Variants in FER1L5 observed in about 807,000 individuals in gnomAD.
The protein encoded by FER1L5 is fer-1 like family member 5.
In FER1L5, 187 loss-of-function variants were observed where a neutral mutation model predicts 279.9. The ratio of observed to expected loss-of-function variants is 0.67; its 90% confidence interval spans 0.59 to 0.75. The LOEUF (loss-of-function observed/expected upper bound fraction) is 0.75. Among genes scored for constraint, FER1L5 ranks in the 30% least tolerant of loss-of-function variants. The pLI, the probability that FER1L5 is intolerant of heterozygous loss-of-function variation, is 0.00. For missense variants in FER1L5, 2,091 were observed against 2,594.4 expected, an observed-to-expected ratio of 0.81 and a Z score of 4.21; for synonymous variants, 921 against 989.7, an observed-to-expected ratio of 0.93 and a Z score of 1.30.
At chr2:96,656,689 G>T (rs1182404654) in intron 9 of FER1L5, among the ~76,000 whole-genome samples, 2 of 151,606 alleles carry the variant, frequency 1.3e-5, no homozygotes, top group Non-Finnish European at 2.9e-5. Flanking sequence ...ATTGCAAGTG[G>T]TTAATATGCA....
At position 96,685,437 on chromosome 2, in the gene FER1L5, T is replaced by G. The variant is rs2076883798; in HGVS notation, c.1895+8T>G. On this transcript the variant is annotated splice_region_variant and intron_variant, in intron 21 of 52. Transcript: ENST00000624922. Reference sequence around the variant, plus strand: ...GCTGGCAGAGGACTGCAAGTAGGAGTAGGGGCACTCCGGGATACAGCTGGC... The same window carrying G: ...GCTGGCAGAGGACTGCAAGTAGGAGGAGGGGCACTCCGGGATACAGCTGGC... 6 of 1,547,866 alleles carry G rather than the reference T, an allele frequency of 3.9e-6. No individual in the cohort carries two copies. The East Asian group carries it at 1.5e-4, about 38-fold the overall frequency.
chr2:96,697,575 A>T lies in FER1L5; in HGVS notation c.4133A>T (p.Glu1378Val), dbSNP rs1221100218. 3 of 1,613,756 alleles carry T rather than the reference A, an allele frequency of 1.9e-6. No homozygotes were observed. The East Asian group carries it at 6.7e-5, about 36-fold the overall frequency. ...TTCTGGTTCAAGTCCAGTAAAGCAG[A>T]GGTGATGAAGGCTCAGCCCCATTCA... ...RKFWFKSSKA[E>V]DEYEHEVDWW... The change falls in exon 38 of 53, where the codon GAG becomes GTG. Residue 1378 changes from glutamate to valine, a missense_variant and splice_region_variant. Coordinates refer to ENST00000624922, the MANE Select transcript of FER1L5 (RefSeq NM_001293083.2).
Position 96,663,433 on chromosome 2 carries a change from T to G in FER1L5, c.1072-6T>G. The G allele has an allele frequency of 1.9e-6, 3 of 1,551,532 alleles. No homozygotes were observed. Among genetic ancestry groups the G allele is most frequent in the Non-Finnish European group, 2.6e-6 (3 of 1,146,872 alleles). On this transcript the variant is annotated splice_region_variant and splice_polypyrimidine_tract_variant and intron_variant, in intron 13 of 52. Transcript: ENST00000624922. ...CTGGCACCAACACTGCTTTGGGACATTCCAGCTCAGGACACACATGCAGAC... is the reference window on the plus strand; with the variant it reads ...CTGGCACCAACACTGCTTTGGGACAGTCCAGCTCAGGACACACATGCAGAC...
At position 96,694,856 on chromosome 2, in the gene FER1L5, G is replaced by C. The variant is rs528817633; in HGVS notation, c.3741+392G>C. The C allele has an allele frequency of 6.1e-6, 1 of 162,924 alleles. No homozygotes were observed. Among genetic ancestry groups the C allele is most frequent in the South Asian group, 2.0e-4 (1 of 4,960 alleles). The allele number at this position is 162,924 out of a possible 1,614,324, so 10.1% of individuals were successfully genotyped here. A position where few individuals can be genotyped will look rare whatever the true frequency, so the allele number is the denominator to read the frequency against. On this transcript the variant is annotated intron_variant, in intron 34 of 52. Transcript: ENST00000624922. The surrounding 1 kb of genome is among the most constrained non-coding windows in gnomAD (Gnocchi z 4.6). Reference sequence around the variant, plus strand: ...AGCCCTGTCTGACTGCAGATGCCAGGATGTTGCTCACCTCTCTTCTGAGAG... The same window carrying C: ...AGCCCTGTCTGACTGCAGATGCCAGCATGTTGCTCACCTCTCTTCTGAGAG...
rs1032509990 is a variant in FER1L5, at chr2:96,647,722, A to G, written c.231-56A>G. ...CTAGCTAAAGCCCTGCCCGGGAGAG[A>G]AGAGGACACTCTTTCCCCTGGCTCA... On this transcript the variant is annotated intron_variant, in intron 3 of 52. Coordinates refer to ENST00000624922, the MANE Select transcript of FER1L5 (RefSeq NM_001293083.2). 4 of 1,291,246 alleles carry G rather than the reference A, an allele frequency of 3.1e-6. No homozygotes were observed. In the African/African-American group the frequency reaches 5.9e-5, roughly 19 times the overall value. 80.0% of individuals were successfully genotyped at this position (1,291,246 alleles called of 1,614,324 possible).
chr2:96,701,840 C>T, intron 45 of FER1L5, 115 bp from the exon 46 acceptor site: 7 of 899,758 alleles, frequency 7.8e-6, no homozygotes, highest in Middle Eastern at 2.4e-4. Context: ...CCCCACCCCT[C>T]GGTGTTGGGA....
chr2:96,651,857 C>G (rs745580211), intron 6 of FER1L5, 35 bp from the exon 7 acceptor site: 2 of 1,551,612 alleles, frequency 1.3e-6, no homozygotes, highest in South Asian at 2.4e-5. Context: ...TACAGAAGGC[C>G]CTCAATATCA....
chr2:96,653,350 A>G (rs949680970), intron 7 of FER1L5: 4 of 364,244 alleles, frequency 1.1e-5, no homozygotes, highest in South Asian at 6.2e-5. Context: ...GGAATCTGGA[A>G]TATTTGCATT....
At position 96,703,327 on chromosome 2, in the gene FER1L5, G is replaced by A. The variant is rs1335075227; in HGVS notation, c.5672G>A (p.Gly1891Asp). 6.2e-7 allele frequency: 1 copy of A among 1,611,290 alleles called. No homozygotes were observed. Among genetic ancestry groups the A allele is most frequent in the South Asian group, 1.1e-5 (1 of 90,634 alleles). ...TGGTGGCCTTGCCAGGTCCTCGATG[G>A]TGGCAAATGGCGCTTGTCGGTAGGA... is the stretch of plus-strand genomic sequence containing the variant. ...TGWWPCQVLD[G>D]GKWRLSGKVK... The change falls in exon 50 of 53, where the codon GGT becomes GAT. Residue 1891 changes from glycine to aspartate, a missense_variant. Gly to Asp is a moderately conservative substitution (Grantham distance 94). Coordinates refer to ENST00000624922, the MANE Select transcript of FER1L5 (RefSeq NM_001293083.2).
intron 7 of FER1L5, 152 bp from the exon 8 acceptor site, chr2:96,653,488 G>A: frequency 1.6e-6 from 1 of 641,086 alleles, no homozygotes; most frequent in Non-Finnish European, 2.8e-6. Context: ...TCAGATTTTT[G>A]GATTAGGAAT....
chr2:96,700,847 G>A (rs2077564006), intron 45 of FER1L5, among the ~76,000 whole-genome samples: 1 of 152,172 alleles, frequency 6.6e-6, no homozygotes, highest in Admixed American at 6.5e-5. Flanking sequence ...GTTAATTGTA[G>A]GCTGTGTCTT....
chr2:96,699,089 C>G lies in FER1L5; in HGVS notation c.4563C>G (p.Gly1521=), dbSNP rs1241760067. ...VILKLGKTEL[G]NRDMYQPNTL... is the part of the protein sequence containing the mutation. ...TGAAACTGGGCAAGACAGAGCTTGGCAACCGGGACATGTACCAGCCCAACA... is the reference window on the plus strand; with the variant it reads ...TGAAACTGGGCAAGACAGAGCTTGGGAACCGGGACATGTACCAGCCCAACA... Residue 1521 remains glycine, a synonymous_variant, in exon 42 of 53, where the codon GGC becomes GGG. Transcript: ENST00000624922. 6.2e-7 allele frequency: 1 copy of G among 1,611,940 alleles called. No individual in the cohort carries two copies. Among genetic ancestry groups the G allele is most frequent in the African/African-American group, 1.3e-5 (1 of 74,848 alleles).
intron 14 of FER1L5, 129 bp downstream of exon 14, chr2:96,663,636 T>A (rs1369694064): frequency 9.9e-7 from 1 of 1,006,868 alleles, no homozygotes; most frequent in African/African-American, 1.6e-5. Flanking sequence ...CTCTGCCTGA[T>A]AGGGAGCATG....
At chr2:96,650,380 T>C in intron 6 of FER1L5, 91 bp downstream of exon 6, 1 of 1,073,134 alleles carries the variant, frequency 9.3e-7, no homozygotes, top group Non-Finnish European at 1.4e-6. Flanking sequence ...CCCAAGGTCA[T>C]GGTAGAAGGG....
At chr2:96,671,070 G>C (rs897769465) in intron 18 of FER1L5, among the ~76,000 whole-genome samples, 8 of 126,312 alleles carry the variant, frequency 6.3e-5, no homozygotes, top group South Asian at 2.7e-4. Flanking sequence ...TCATGCCACT[G>C]CACTCCAGCC....
chr2:96,687,279 C>A (rs1239173824), intron 23 of FER1L5, among the ~76,000 whole-genome samples: 1 of 152,256 alleles, frequency 6.6e-6, no homozygotes, highest in Non-Finnish European at 1.5e-5. Context: ...CCCAACTGTA[C>A]CTGCCCTTTG....
rs994865520 is a variant in FER1L5 at position 96,692,037 on chromosome 2, T to G, written c.3215-67T>G. On this transcript the variant is annotated intron_variant, in intron 30 of 52. Transcript: ENST00000624922. ...CCGAGGGCGGGGGGGGGGGACAGGGTGGGGGCAGTCAGAGGGAGCCGCTGG... is the reference window on the plus strand; with the variant it reads ...CCGAGGGCGGGGGGGGGGGACAGGGGGGGGGCAGTCAGAGGGAGCCGCTGG... 4.6e-3 allele frequency: 5,456 copies of G among 1,180,990 alleles called. 8 individuals carry two copies. The highest frequency in any genetic ancestry group is 9.2e-3 in the Middle Eastern group (34 of 3,692). The allele number at this position is 1,180,990 out of a possible 1,614,324, so 73.2% of individuals were successfully genotyped here. A position where few individuals can be genotyped will look rare whatever the true frequency, so the allele number is the denominator to read the frequency against.
chr2:96,695,906 T>C lies in FER1L5; in HGVS notation c.4057+2T>C. The C allele has an allele frequency of 6.2e-7, 1 of 1,613,318 alleles. No individual in the cohort carries two copies. Among genetic ancestry groups the C allele is most frequent in the Non-Finnish European group, 8.5e-7 (1 of 1,179,704 alleles). ...ACTATATGCACCCAAAGCTTCCAAG[T>C]ACGGCCCTTCCTCCGTGCCTTTCCC... is the stretch of plus-strand genomic sequence containing the variant. On this transcript the variant is annotated splice_donor_variant, in intron 36 of 52. Coordinates refer to ENST00000624922, the MANE Select transcript of FER1L5 (RefSeq NM_001293083.2). LOFTEE classifies it high-confidence loss of function.
rs369785049 is a variant in FER1L5 at position 96,700,289 on chromosome 2, T to A, written c.4931-43T>A. 1.9e-4 allele frequency: 305 copies of A among 1,607,722 alleles called. 1 individual carries two copies. The highest frequency in any genetic ancestry group is 6.6e-4 in the South Asian group (60 of 91,052). On this transcript the variant is annotated intron_variant, in intron 44 of 52. Coordinates refer to ENST00000624922, the MANE Select transcript of FER1L5 (RefSeq NM_001293083.2). ...GAGCCTACCTAGGAGATAGGAAGGCTAATGACCTCGCAATCCCCTCCTTCC... is the reference window on the plus strand; with the variant it reads ...GAGCCTACCTAGGAGATAGGAAGGCAAATGACCTCGCAATCCCCTCCTTCC...
Sources: gnomAD v4.1 joint callset for allele counts (sites outside exome capture counted in the v4.1 genomes callset) on GRCh38, gnomAD v4.1.1 for gene constraint, Gnocchi (gnomAD v3.1) non-coding constraint, MANE v1.5 for transcripts, NCBI Gene and HGNC (gene_info 2026-07-23, HGNC 2026-07-21) for gene names.